Variants in ARIH1 observed in about 807,000 individuals in gnomAD.
The protein encoded by ARIH1 is E3 ubiquitin-protein ligase ARIH1.
In ARIH1, 8 loss-of-function variants were observed where a neutral mutation model predicts 85.0. That is an observed-to-expected ratio of 0.09 (90% CI 0.06 to 0.17). The LOEUF is 0.17. Among genes scored for constraint, ARIH1 ranks in the 10% least tolerant of loss-of-function variants. ARIH1 has a pLI of 1.00. For missense variants in ARIH1, 311 were observed against 718.1 expected (o/e 0.43, Z 6.48); for synonymous variants, 238 against 253.6 (o/e 0.94, Z 0.59).
In ARIH1 at chr15:72,602,478, A is replaced by ACT. The variant is rs1383110684; in HGVS notation, c.*19187_*19188dup. On this transcript the variant is annotated 3_prime_UTR_variant, in exon 14 of 14. Coordinates refer to ENST00000379887, the MANE Select transcript of ARIH1 (RefSeq NM_005744.5). ...TTGCTTACTTATTATCTAATGTCTG[A>ACT]CTAATTTGCTACACTCTAAATTCCC... 1.3e-5 allele frequency: 2 copies of ACT among 152,170 alleles called. No homozygotes were observed. Among genetic ancestry groups the ACT allele is most frequent in the African/African-American group, 4.8e-5 (2 of 41,436 alleles). The allele number at this position is 152,170 out of a possible 1,614,324, so 9.4% of individuals were successfully genotyped here.
At chr15:72,575,830 ATACT>A (rs2064268492) in intron 11 of ARIH1, among the ~76,000 whole-genome samples, 1 of 152,128 alleles carries the variant, frequency 6.6e-6, no homozygotes, top group Admixed American at 6.5e-5. Context: ...CATTGGTTTG[ATACT>A]TACCTGACTC....
In ARIH1 at chr15:72,602,298, C is replaced by T. The variant is rs1312072846; in HGVS notation, c.*19006C>T. ...AATTCCCACTAGTGAATGCATTTGTCCTCACAATTATGTCAGTGAAATTTT... is the reference window on the plus strand; with the variant it reads ...AATTCCCACTAGTGAATGCATTTGTTCTCACAATTATGTCAGTGAAATTTT... On this transcript the variant is annotated 3_prime_UTR_variant, in exon 14 of 14. Coordinates refer to ENST00000379887, the MANE Select transcript of ARIH1 (RefSeq NM_005744.5). 6.6e-6 allele frequency: 1 copy of T among 152,198 alleles called. No homozygotes were observed. Among genetic ancestry groups the T allele is most frequent in the East Asian group, 1.9e-4 (1 of 5,198 alleles). 9.4% of individuals were successfully genotyped at this position (152,198 alleles called of 1,614,324 possible). A position where few individuals can be genotyped will look rare whatever the true frequency, so the allele number is the denominator to read the frequency against.
chr15:72,548,217 TGA>T (rs1218226041), intron 3 of ARIH1, among the ~76,000 whole-genome samples: 7 of 152,144 alleles, frequency 4.6e-5, no homozygotes, highest in African/African-American at 1.7e-4. Context: ...ACCCAGTTTT[TGA>T]TCAGGCAGGA....
At chr15:72,494,199 T>C (rs1212217341) in intron 1 of ARIH1, among the ~76,000 whole-genome samples, 1 of 152,206 alleles carries the variant, frequency 6.6e-6, no homozygotes, top group Non-Finnish European at 1.5e-5. Flanking sequence ...TCAGCTGAGA[T>C]TTCTTTAGCT....
chr15:72,553,730 A>C (rs780383336), intron 3 of ARIH1, among the ~76,000 whole-genome samples: 1 of 152,172 alleles, frequency 6.6e-6, no homozygotes, highest in Non-Finnish European at 1.5e-5. Flanking sequence ...CCAGCCTGGC[A>C]ATATGGTGAA....
At chr15:72,513,456 C>T (rs2063958598) in intron 1 of ARIH1, among the ~76,000 whole-genome samples, 1 of 152,060 alleles carries the variant, frequency 6.6e-6, no homozygotes, top group South Asian at 2.1e-4. Flanking sequence ...AAACATTTAA[C>T]TCTTCCTACC....
At chr15:72,572,224 T>G in intron 11 of ARIH1, 59 bp downstream of exon 11, 1 of 1,230,140 alleles carries the variant, frequency 8.1e-7, no homozygotes, top group Non-Finnish European at 1.2e-6. Flanking sequence ...ATATTCATAT[T>G]CATTAGAGAA....
At chr15:72,479,402 C>T (rs1031968764) in intron 1 of ARIH1, among the ~76,000 whole-genome samples, 5 of 151,572 alleles carry the variant, frequency 3.3e-5, no homozygotes, top group Admixed American at 2.6e-4. Flanking sequence ...ATCTGTTATG[C>T]TAAATAACTT....
At chr15:72,564,658 A>G (rs1219064623) in intron 7 of ARIH1, among the ~76,000 whole-genome samples, 1 of 152,184 alleles carries the variant, frequency 6.6e-6, no homozygotes, top group African/African-American at 2.4e-5. Context: ...GGCTTTTATA[A>G]CAAAAGACCA....
intron 2 of ARIH1, among the ~76,000 whole-genome samples, chr15:72,541,797 A>G (rs2064108565): frequency 6.6e-6 from 1 of 152,246 alleles, no homozygotes. Flanking sequence ...ATGCCTGTAG[A>G]CATTAAGGGC....
intron 7 of ARIH1, among the ~76,000 whole-genome samples, 180 bp downstream of exon 7, chr15:72,563,680 A>T (rs957438042): frequency 4.6e-5 from 7 of 152,250 alleles, no homozygotes; most frequent in African/African-American, 1.2e-4. Context: ...TCTTAAAAAA[A>T]TTTTTCCTCT....
At chr15:72,483,987 A>G (rs2063826724) in intron 1 of ARIH1, among the ~76,000 whole-genome samples, 1 of 151,662 alleles carries the variant, frequency 6.6e-6, no homozygotes, top group African/African-American at 2.4e-5. Context: ...GCCTGGCCAA[A>G]TGGCGAAACC....
intron 2 of ARIH1, among the ~76,000 whole-genome samples, chr15:72,522,444 C>T (rs987281310): frequency 1.3e-5 from 2 of 152,092 alleles, no homozygotes; most frequent in South Asian, 2.1e-4. Context: ...GGCTTGAACC[C>T]GGGAGGCTGA....
At chr15:72,552,732 C>T (rs1347301116) in intron 3 of ARIH1, among the ~76,000 whole-genome samples, 1 of 151,032 alleles carries the variant, frequency 6.6e-6, no homozygotes, top group Admixed American at 6.6e-5. Context: ...GCAGTTGCTT[C>T]TGGGTAGAGG....
intron 2 of ARIH1, among the ~76,000 whole-genome samples, chr15:72,524,943 G>A (rs1225115191): frequency 6.6e-6 from 1 of 152,130 alleles, no homozygotes; most frequent in Non-Finnish European, 1.5e-5. Context: ...GGAGTGCAGT[G>A]GTGCAATCTT....
At position 72,530,433 on chromosome 15, in the gene ARIH1, T is replaced by C. The variant is rs190541825; in HGVS notation, c.443+12299T>C. On this transcript the variant is annotated intron_variant, in intron 2 of 13. Coordinates refer to ENST00000379887, the MANE Select transcript of ARIH1 (RefSeq NM_005744.5). The stretch of plus-strand genomic sequence containing the variant: ...ATATTAGGTCTACTAAGAGCGAAAA[T>C]TGAATACACTAGCTCCTTAAAGACT... Among the ~76,000 whole-genome samples the C allele has an allele frequency of 1.2e-4, 19 of 152,256 alleles. No homozygotes were observed. In the East Asian group the frequency reaches 3.7e-3, roughly 29 times the overall value.
intron 1 of ARIH1, among the ~76,000 whole-genome samples, chr15:72,513,877 C>G (rs1057080265): frequency 2.2e-5 from 3 of 135,986 alleles, no homozygotes; most frequent in South Asian, 2.7e-4. Flanking sequence ...CTCTACCCCC[C>G]GCCCCGCCTC....
rs1355272679 is a variant in ARIH1 at position 72,593,154 on chromosome 15, T to C, written c.*9862T>C. The C allele has an allele frequency of 6.6e-6, 1 of 152,254 alleles. No homozygotes were observed. The highest frequency in any genetic ancestry group is 1.5e-5 in the Non-Finnish European group (1 of 68,030). 9.4% of individuals were successfully genotyped at this position (152,254 alleles called of 1,614,324 possible). A position where few individuals can be genotyped will look rare whatever the true frequency, so the allele number is the denominator to read the frequency against. Reference sequence around the variant, plus strand: ...TTTAATTTACATTACATTTCCCTGATTAATGAGTTGAGCACTTTTTCATAT... The same window carrying C: ...TTTAATTTACATTACATTTCCCTGACTAATGAGTTGAGCACTTTTTCATAT... On this transcript the variant is annotated 3_prime_UTR_variant, in exon 14 of 14. Transcript: ENST00000379887.
chr15:72,510,465 A>G (rs1277569529), intron 1 of ARIH1, among the ~76,000 whole-genome samples: 1 of 152,090 alleles, frequency 6.6e-6, no homozygotes, highest in African/African-American at 2.4e-5. Context: ...TTTTAAAAAT[A>G]TGTACATCTT....
Sources: allele counts gnomAD v4.1 joint callset (sites outside exome capture counted in the v4.1 genomes callset), GRCh38; gene constraint gnomAD v4.1.1; transcripts MANE v1.5; gene names NCBI Gene and HGNC (gene_info 2026-07-23, HGNC 2026-07-21).